Variants in ANK1 observed in about 807,000 individuals in gnomAD.
ANK1 encodes the protein ankyrin 1, also known as ankyrin-1.
Under a neutral mutation model 210.4 loss-of-function variants are expected in ANK1, and 51 were observed. The ratio of observed to expected loss-of-function variants is 0.24; its 90% CI spans 0.19 to 0.31. ANK1 has a LOEUF of 0.31. Ranked by LOEUF, ANK1 falls within the 10% of genes least tolerant of loss-of-function variation. ANK1 has a pLI of 1.00. For synonymous variants in ANK1, 967 were observed against 1,025.9 expected (o/e 0.94, Z 1.10); for missense variants, 2,051 against 2,504.4 (o/e 0.82, Z 3.86).
At chr8:41,888,772 G>C (rs887140491) in intron 1 of ANK1, among the ~76,000 whole-genome samples, 4 of 152,190 alleles carry the variant, frequency 2.6e-5, no homozygotes, top group Admixed American at 6.5e-5. Flanking sequence ...GAAACCCCAG[G>C]ACTCCGTTTT....
rs939452191 is a variant in ANK1, at chr8:41,694,250, C to A, written c.3328-148G>T. 1.2e-6 allele frequency: 1 copy of A among 859,324 alleles called. No individual in the cohort carries two copies. The highest frequency in any genetic ancestry group is 1.8e-6 in the Non-Finnish European group (1 of 562,904). 53.2% of individuals were successfully genotyped at this position (859,324 alleles called of 1,614,324 possible). On this transcript the variant is annotated intron_variant, in intron 28 of 42. Transcript: ENST00000289734. The surrounding 1 kb of genome is among the most constrained non-coding windows in gnomAD (Gnocchi z 5.7). ...CACAGAACCGACACGGTGGAGCTTGCCTTCCTGAGCCCTTTCTCCCCTTCT... is the reference window on the plus strand; with the variant it reads ...CACAGAACCGACACGGTGGAGCTTGACTTCCTGAGCCCTTTCTCCCCTTCT...
chr8:41,737,704 G>A (rs971989519), intron 2 of ANK1, among the ~76,000 whole-genome samples: 3 of 152,148 alleles, frequency 2.0e-5, no homozygotes, highest in Non-Finnish European at 4.4e-5. Context: ...GTCTATTACT[G>A]CGGGGATCTG....
At chr8:41,773,810 G>A (rs576833796) in intron 1 of ANK1, among the ~76,000 whole-genome samples, 9 of 152,214 alleles carry the variant, frequency 5.9e-5, no homozygotes, top group South Asian at 2.1e-4. Context: ...CCACGGCCAC[G>A]GTGCCCAGCT....
chr8:41,863,294 GT>G (rs1166399001), intron 1 of ANK1, among the ~76,000 whole-genome samples: 1 of 151,860 alleles, frequency 6.6e-6, no homozygotes, highest in East Asian at 1.9e-4. Context: ...AGGAGGCAGA[GT>G]TTGCAGTGAG....
chr8:41,882,253 A>T (rs973707986), intron 1 of ANK1, among the ~76,000 whole-genome samples: 1 of 152,030 alleles, frequency 6.6e-6, no homozygotes, highest in Non-Finnish European at 1.5e-5. Flanking sequence ...ATGTAACACC[A>T]CGGGACACCA....
At chr8:41,700,305 TG>T in intron 22 of ANK1, 1 of 1,084,818 alleles carries the variant, frequency 9.2e-7, no homozygotes, top group Non-Finnish European at 1.4e-6. Flanking sequence ...GCTGAGCTCC[TG>T]GCTCCAGCTT....
intron 2 of ANK1, among the ~76,000 whole-genome samples, chr8:41,736,877 G>A (rs1188286742): frequency 1.3e-5 from 2 of 152,194 alleles, no homozygotes; most frequent in Non-Finnish European, 2.9e-5. Context: ...CTGCAGCTGA[G>A]GAAGTCAAGG....
At chr8:41,727,056 C>G (rs1261509017) in intron 5 of ANK1, among the ~76,000 whole-genome samples, 194 bp downstream of exon 5, 1 of 152,230 alleles carries the variant, frequency 6.6e-6, no homozygotes. Flanking sequence ...GTGTCTGGGC[C>G]TTCTTCAAGA....
At chr8:41,680,644 T>C (rs1333703060) in intron 37 of ANK1, among the ~76,000 whole-genome samples, 2 of 151,824 alleles carry the variant, frequency 1.3e-5, no homozygotes, top group African/African-American at 4.8e-5. Context: ...GTCTTCACTC[T>C]GGGAGTCCTT....
chr8:41,763,285 T>C (rs1423143567), intron 1 of ANK1, among the ~76,000 whole-genome samples: 2 of 152,016 alleles, frequency 1.3e-5, no homozygotes, highest in African/African-American at 4.8e-5. Context: ...ATGGACTAGA[T>C]TGAGGAAAGC....
At chr8:41,664,742 C>T (rs1184462283) in intron 39 of ANK1, 1 of 1,487,452 alleles carries the variant, frequency 6.7e-7, no homozygotes, top group Non-Finnish European at 9.1e-7. Context: ...CAGCAGCGTC[C>T]CCTCAGCCCC....
chr8:41,717,743 T>C (rs1184579175), intron 11 of ANK1, 41 bp from the exon 12 acceptor site: 5 of 1,468,270 alleles, frequency 3.4e-6, no homozygotes, highest in Non-Finnish European at 4.7e-6. Flanking sequence ...TGGGAGTCTT[T>C]CCGCTCCCCT....
intron 1 of ANK1, among the ~76,000 whole-genome samples, chr8:41,810,026 G>A (rs1802251413): frequency 6.6e-6 from 1 of 152,212 alleles, no homozygotes; most frequent in South Asian, 2.1e-4. Flanking sequence ...AGGCAGTGGG[G>A]AGGGGGGACA....
intron 25 of ANK1, 34 bp from the exon 26 acceptor site, chr8:41,696,621 C>T: frequency 1.9e-6 from 3 of 1,611,888 alleles, no homozygotes; most frequent in Non-Finnish European, 2.5e-6. Context: ...TGGGCTTCTG[C>T]ATCCCCTCTC....
At chr8:41,824,264 C>T (rs111412919) in intron 1 of ANK1, among the ~76,000 whole-genome samples, 1 of 152,060 alleles carries the variant, frequency 6.6e-6, no homozygotes, top group Non-Finnish European at 1.5e-5. Flanking sequence ...CGTGCCCAGC[C>T]CTTTTTCAGT....
At chr8:41,854,439 A>T (rs114692170) in intron 1 of ANK1, among the ~76,000 whole-genome samples, 2,336 of 152,292 alleles carry the variant, frequency 0.015, 68 homozygotes, top group African/African-American at 0.053. Context: ...CTGGAGACCC[A>T]GAAAGGATGA....
At position 41,690,238 on chromosome 8, in the gene ANK1, G is replaced by A. The variant is rs559102261; in HGVS notation, c.4093C>T (p.Pro1365Ser). 69 of 1,614,228 alleles carry A rather than the reference G, an allele frequency of 4.3e-5. No individual in the cohort carries two copies. In the South Asian group the frequency reaches 7.5e-4, roughly 17 times the overall value. Residue 1365 changes from proline to serine, a missense_variant, in exon 33 of 43, where the codon CCC (proline) becomes TCC (serine). By Grantham distance (74) the Pro-to-Ser change is moderately conservative. This residue lies in a region of ANK1 where 1,413 missense variants were observed against 1,707.4 expected (regional missense o/e 0.83). Coordinates refer to ENST00000289734, the MANE Select transcript of ANK1 (RefSeq NM_000037.4). ...AGGTGCCAGCTCACCTTGGCGCAGG[G>A]GGGCATGGTGATGTTCAGGTGGCAG... ...ILCHLNITMP[P>S]CAKGSGAEDR... is the part of the protein sequence containing the mutation.
intron 1 of ANK1, among the ~76,000 whole-genome samples, chr8:41,859,955 C>T (rs1214310125): frequency 6.6e-6 from 1 of 150,392 alleles, no homozygotes; most frequent in Non-Finnish European, 1.5e-5. Context: ...ACCTCTGCCA[C>T]CAAGGGCTTG....
chr8:41,803,051 GAAA>G (rs1850276677), intron 1 of ANK1, among the ~76,000 whole-genome samples: 35 of 72,922 alleles, frequency 4.8e-4, no homozygotes, highest in Admixed American at 1.8e-3. Context: ...GAGAAAGAAA[GAAA>G]GAGAGAAAGG....
Sources: allele counts gnomAD v4.1 joint callset (sites outside exome capture counted in the v4.1 genomes callset), GRCh38; gene constraint gnomAD v4.1.1; regional missense constraint gnomAD v4.1.1; non-coding constraint Gnocchi (gnomAD v3.1); transcripts MANE v1.5; gene names NCBI Gene and HGNC (gene_info 2026-07-23, HGNC 2026-07-21).